The following SLC66A1 variants were observed in gnomAD, a reference collection of about 807,000 sequenced individuals.
SLC66A1 encodes lysosomal amino acid transporter 1 homolog.
A neutral mutation model predicts 33.0 loss-of-function variants in SLC66A1; 23 were observed. That is an observed-to-expected ratio of 0.70 (90% CI 0.50 to 0.99). The LOEUF is 0.99. Among genes scored for constraint, SLC66A1 ranks in the 50% least tolerant of loss-of-function variants. The probability of loss-of-function intolerance (pLI) is 0.00; values close to 1 mark genes in which losing one functional copy is unlikely to be tolerated. For synonymous variants in SLC66A1, 164 were observed against 175.5 expected, an observed-to-expected ratio of 0.93 and a Z score of 0.52; for missense variants, 335 against 383.6, an observed-to-expected ratio of 0.87 and a Z score of 1.06.
downstream of SLC66A1, among the ~76,000 whole-genome samples, chr1:19,334,008 A>C (rs1221888351): frequency 6.6e-6 from 1 of 152,192 alleles, no homozygotes; most frequent in East Asian, 1.9e-4. Flanking sequence ...CCGTGGATTA[A>C]CTCAGTTCAA....
At chr1:19,326,699 GAGTAGCA>G in intron 6 of SLC66A1, 76 bp downstream of exon 6, 1 of 1,440,808 alleles carries the variant, frequency 6.9e-7, no homozygotes, top group Non-Finnish European at 9.7e-7. Flanking sequence ...CTGGGCTAAG[GAGTAGCA>G]CAGCATAGGA....
rs2093879718 is a variant in SLC66A1, at chr1:19,328,206, G to A, written c.805-366G>A. Reference sequence around the variant, plus strand: ...TTTGTTAAGTCCCTGCCGGGCGCAGGGAGGGGTGAAAGTTTAGGCTCTTGT... The same window carrying A: ...TTTGTTAAGTCCCTGCCGGGCGCAGAGAGGGGTGAAAGTTTAGGCTCTTGT... On this transcript the variant is annotated intron_variant, in intron 7 of 7. Coordinates refer to ENST00000375153, the MANE Select transcript of SLC66A1 (RefSeq NM_001040125.2). The surrounding 1 kb of genome is among the most constrained non-coding windows in gnomAD (Gnocchi z 4.7). 2.4e-6 allele frequency: 1 copy of A among 409,748 alleles called. No homozygotes were observed. 25.4% of individuals were successfully genotyped at this position (409,748 alleles called of 1,614,324 possible).
downstream of SLC66A1, among the ~76,000 whole-genome samples, chr1:19,329,939 C>G (rs960667988): frequency 6.6e-6 from 1 of 151,838 alleles, no homozygotes; most frequent in Non-Finnish European, 1.5e-5. Context: ...CAGAGCTGAG[C>G]TCCGAGTGCT....
rs531558930 is a variant in SLC66A1, at chr1:19,319,979, C to T, written c.164+2138C>T. 1.0e-3 allele frequency among the ~76,000 whole-genome samples: 157 copies of T among 150,970 alleles called. 1 individual carries two copies. The highest frequency in any genetic ancestry group is 3.8e-3 in the African/African-American group (155 of 41,200). On this transcript the variant is annotated intron_variant, in intron 2 of 7. Transcript: ENST00000375153. Reference sequence around the variant, plus strand: ...TGGTGCAATCTTGGCTCACTGCAGCCTCTGCCTGGCGTGCTCAAGAGATTC... The same window carrying T: ...TGGTGCAATCTTGGCTCACTGCAGCTTCTGCCTGGCGTGCTCAAGAGATTC...
At position 19,319,605 on chromosome 1, in the gene SLC66A1, G is replaced by GTTTTTTTTTTTTTTTTTTTTTTT. The variant is rs569177720; in HGVS notation, c.164+1780_164+1781insTTTTTTTTTTTTTTTTTTTTTTT. 4.5e-5 allele frequency among the ~76,000 whole-genome samples: 5 copies of GTTTTTTTTTTTTTTTTTTTTTTT among 111,860 alleles called. No individual in the cohort carries two copies. In the East Asian group the frequency reaches 8.4e-4, roughly 19 times the overall value. The allele number at this position is 111,860 out of a possible 152,430, so 73.4% of individuals were successfully genotyped here. ...GATTAATGTTGCTGTGCACATTCAT[G>GTTTTTTTTTTTTTTTTTTTTTTT]TTTTTTTTTTTTTTTTGCCTGGTGC... is the stretch of plus-strand genomic sequence containing the variant. On this transcript the variant is annotated intron_variant, in intron 2 of 7. Coordinates refer to ENST00000375153, the MANE Select transcript of SLC66A1 (RefSeq NM_001040125.2).
Position 19,313,097 on chromosome 1 carries a change from G to C in SLC66A1, c.-79+208G>C, listed in dbSNP as rs562445034. ...GGCACCCTTGTAATCGCTTGGCCTG[G>C]ATTGTCTCATTTAACTCTGCAGTCA... On this transcript the variant is annotated intron_variant, in intron 1 of 7. Transcript: ENST00000375153. The C allele has an allele frequency of 6.6e-4, 416 of 628,810 alleles. 4 individuals are homozygous for C. The African/African-American group carries it at 7.9e-3, about 12-fold the overall frequency. The allele number at this position is 628,810 out of a possible 1,614,324, so 39.0% of individuals were successfully genotyped here. A position where few individuals can be genotyped will look rare whatever the true frequency, so the allele number is the denominator to read the frequency against.
chr1:19,329,761 T>C (rs558893223), downstream of SLC66A1, among the ~76,000 whole-genome samples: 4 of 152,160 alleles, frequency 2.6e-5, no homozygotes, highest in East Asian at 1.9e-4. Flanking sequence ...TTGAGGACTT[T>C]TAGTTGGAGA....
Position 19,325,497 on chromosome 1 carries a change from C to A in SLC66A1, c.297C>A (p.Thr99=), listed in dbSNP as rs747721545. The change falls in exon 4 of 8, where the codon ACC becomes ACA. Residue 99 remains threonine (T), a splice_region_variant and synonymous_variant. Transcript: ENST00000375153. ...SFLADQLPLQ[T]YTAVYYVLAD... ...TGGGCCCCCTGCATCTCTTACAGAC[C>A]TACACGGCTGTGTATTATGTCTTGG... 2.5e-6 allele frequency: 4 copies of A among 1,604,052 alleles called. No individual in the cohort carries two copies. In the South Asian group the frequency reaches 4.4e-5, roughly 18 times the overall value.
chr1:19,315,543 G>C (rs560552416), intron 1 of SLC66A1, among the ~76,000 whole-genome samples: 60 of 152,176 alleles, frequency 3.9e-4, no homozygotes, highest in Non-Finnish European at 8.2e-4. Context: ...CAGCAGTTCC[G>C]TGGGGCCAGC....
At chr1:19,323,232 T>C (rs2093846609) in intron 2 of SLC66A1, among the ~76,000 whole-genome samples, 1 of 151,758 alleles carries the variant, frequency 6.6e-6, no homozygotes, top group South Asian at 2.1e-4. Flanking sequence ...GAGATGGGGG[T>C]TTTAGAAAGA....
At chr1:19,315,073 TA>T (rs2093798086) in intron 1 of SLC66A1, among the ~76,000 whole-genome samples, 1 of 152,146 alleles carries the variant, frequency 6.6e-6, no homozygotes, top group African/African-American at 2.4e-5. Context: ...CACGCCTGGC[TA>T]ATTTTTGTAT....
At chr1:19,323,989 C>T (rs1019441987) in intron 2 of SLC66A1, among the ~76,000 whole-genome samples, 9 of 152,192 alleles carry the variant, frequency 5.9e-5, no homozygotes, top group Non-Finnish European at 1.0e-4. Context: ...GCTTTGGCCT[C>T]GTACCCACAC....
At chr1:19,320,354 A>G (rs934733090) in intron 2 of SLC66A1, among the ~76,000 whole-genome samples, 1 of 146,980 alleles carries the variant, frequency 6.8e-6, no homozygotes, top group Non-Finnish European at 1.5e-5. Context: ...TTACTTTCCC[A>G]CCAAAAGCAT....
chr1:19,316,394 T>C (rs1162473456), intron 1 of SLC66A1, among the ~76,000 whole-genome samples: 2 of 147,980 alleles, frequency 1.4e-5, no homozygotes, highest in Non-Finnish European at 3.0e-5. Context: ...TGTGTGTGTG[T>C]TTTCTTTTAA....
At chr1:19,326,019 AC>A (rs1039270403) in intron 4 of SLC66A1, among the ~76,000 whole-genome samples, 6 of 152,078 alleles carry the variant, frequency 3.9e-5, no homozygotes, top group Non-Finnish European at 5.9e-5. Context: ...GCTTCGTGTA[AC>A]CCCCTCCTGA....
chr1:19,324,411 C>T (rs2093852393), intron 2 of SLC66A1, among the ~76,000 whole-genome samples: 1 of 152,218 alleles, frequency 6.6e-6, no homozygotes, highest in Non-Finnish European at 1.5e-5. Flanking sequence ...AGATGCACAG[C>T]CGTAGAGTCC....
intron 2 of SLC66A1, among the ~76,000 whole-genome samples, chr1:19,321,563 C>A (rs12740114): frequency 0.042 from 6,074 of 143,398 alleles, 223 homozygotes; most frequent in Non-Finnish European, 0.063. Context: ...AGGAGTCCAA[C>A]CTCATTTTTT....
chr1:19,325,645 G>GGA, intron 4 of SLC66A1, 63 bp downstream of exon 4: 1 of 1,291,854 alleles, frequency 7.7e-7, no homozygotes, highest in African/African-American at 1.5e-5. Context: ...TTGTGGGGGG[G>GGA]GGCGCCTGGA....
Position 19,314,235 on chromosome 1 carries a change from A to G in SLC66A1, c.-79+1346A>G, listed in dbSNP as rs541528249. Among the ~76,000 whole-genome samples the G allele has an allele frequency of 1.5e-3, 234 of 152,274 alleles. 1 individual carries two copies. The highest frequency in any genetic ancestry group is 5.4e-3 in the African/African-American group (226 of 41,562). ...GAGTGTCCCGAGCTCCACATTGCAC[A>G]TGGGTCCTGTCCAAGGTCAGGGGGA... is the stretch of plus-strand genomic sequence containing the variant. On this transcript the variant is annotated intron_variant, in intron 1 of 7. Coordinates refer to ENST00000375153, the MANE Select transcript of SLC66A1 (RefSeq NM_001040125.2).
Sources: gnomAD v4.1 joint callset for allele counts (sites outside exome capture counted in the v4.1 genomes callset) on GRCh38, gnomAD v4.1.1 for gene constraint, Gnocchi (gnomAD v3.1) non-coding constraint, MANE v1.5 for transcripts, NCBI Gene and HGNC (gene_info 2026-07-23, HGNC 2026-07-21) for gene names.